Variants in CTNND2 observed in about 807,000 individuals in gnomAD.
CTNND2 encodes the protein catenin delta-2.
A neutral mutation model predicts 144.4 loss-of-function variants in CTNND2; 22 were observed. The ratio of observed to expected loss-of-function variants is 0.15; its 90% CI spans 0.11 to 0.22. CTNND2 has a LOEUF of 0.22. CTNND2 is among the 10% of genes least tolerant of loss of function. The pLI is 1.00. For synonymous variants in CTNND2, 751 were observed against 695.6 expected (o/e 1.08, Z -1.25); for missense variants, 1,353 against 1,618.8 (o/e 0.84, Z 2.82).
chr5:11,695,363 C>A (rs1274742947), intron 2 of CTNND2, among the ~76,000 whole-genome samples: 1 of 152,142 alleles, frequency 6.6e-6, no homozygotes, highest in African/African-American at 2.4e-5. Flanking sequence ...AGGGGAAAAT[C>A]TTTGTGTCTT....
At chr5:11,025,991 T>A (rs920636170) in intron 16 of CTNND2, among the ~76,000 whole-genome samples, 3 of 152,158 alleles carry the variant, frequency 2.0e-5, no homozygotes, top group Non-Finnish European at 2.9e-5. Flanking sequence ...TGGTTCAAAC[T>A]TTTTTTATAG....
At chr5:11,806,555 G>A (rs1792011183) in intron 1 of CTNND2, among the ~76,000 whole-genome samples, 1 of 151,774 alleles carries the variant, frequency 6.6e-6, no homozygotes, top group Admixed American at 6.6e-5. Context: ...TCATTTCCAG[G>A]GTTCATTTCC....
At chr5:11,805,543 T>C (rs559685307) in intron 1 of CTNND2, among the ~76,000 whole-genome samples, 17 of 152,034 alleles carry the variant, frequency 1.1e-4, no homozygotes, top group African/African-American at 3.6e-4. Flanking sequence ...GAACAATGAA[T>C]GAATGAATGA....
intron 9 of CTNND2, among the ~76,000 whole-genome samples, chr5:11,294,883 T>G (rs1748740415): frequency 6.6e-6 from 1 of 152,170 alleles, no homozygotes; most frequent in African/African-American, 2.4e-5. Context: ...TCATACTGAA[T>G]GGGCAAAAAC....
At chr5:11,074,151 C>A (rs1748658860) in intron 16 of CTNND2, among the ~76,000 whole-genome samples, 1 of 152,208 alleles carries the variant, frequency 6.6e-6, no homozygotes, top group South Asian at 2.1e-4. Flanking sequence ...AAGGTGCCTA[C>A]AGTGCCACGT....
chr5:11,578,053 C>G (rs13185622), intron 2 of CTNND2, among the ~76,000 whole-genome samples: 35,180 of 151,994 alleles, frequency 0.23, 4,181 homozygotes, highest in African/African-American at 0.3. Context: ...AAAAAATAGT[C>G]TCAGTTTCTT....
At chr5:11,364,443 A>C (rs1756769564) in intron 8 of CTNND2, among the ~76,000 whole-genome samples, 1 of 152,226 alleles carries the variant, frequency 6.6e-6, no homozygotes, top group South Asian at 2.1e-4. Context: ...TGCTTCTTTC[A>C]ATTTTTCTCT....
chr5:11,580,778 T>A (rs899462830), intron 2 of CTNND2, among the ~76,000 whole-genome samples: 9 of 152,250 alleles, frequency 5.9e-5, no homozygotes, highest in African/African-American at 2.2e-4. Flanking sequence ...TTCTATCTTC[T>A]GTTCTACTTC....
intron 3 of CTNND2, among the ~76,000 whole-genome samples, chr5:11,451,629 C>A (rs942304749): frequency 1.3e-5 from 2 of 152,092 alleles, no homozygotes; most frequent in African/African-American, 2.4e-5. Context: ...CCAAGCATTT[C>A]GGATAAATGA....
At chr5:11,446,384 C>T (rs961192825) in intron 3 of CTNND2, among the ~76,000 whole-genome samples, 1 of 152,184 alleles carries the variant, frequency 6.6e-6, no homozygotes, top group Non-Finnish European at 1.5e-5. Context: ...GGATCTCCTA[C>T]TCCAGTAGCG....
At chr5:11,774,668 T>C (rs368681371) in intron 1 of CTNND2, among the ~76,000 whole-genome samples, 9 of 152,076 alleles carry the variant, frequency 5.9e-5, no homozygotes, top group South Asian at 2.1e-4. Context: ...GTAGTATGTA[T>C]CTCAGTCTTG....
At position 11,384,827 on chromosome 5, in the gene CTNND2, A is replaced by G; in HGVS notation, c.1015T>C (p.Ser339Pro). ...IRVTSPPTVQ[S>P]TISSSPIHQL... Reference sequence around the variant, plus strand: ...TGGATGGGCGAGGAGGAGATGGTGGACTGCACGGTGGGGGGCGAGGTCACG... The same window carrying G: ...TGGATGGGCGAGGAGGAGATGGTGGGCTGCACGGTGGGGGGCGAGGTCACG... Residue 339 changes from serine (S) to proline (P), a missense_variant, in exon 7 of 22, where the codon TCC becomes CCC. Around this residue, in one of 4 missense-constraint regions of CTNND2, gnomAD observed 708 missense variants for 706.4 expected, o/e 1.00. Transcript: ENST00000304623. The surrounding 1 kb of genome is among the most constrained non-coding windows in gnomAD (Gnocchi z 5.2). 1 of 1,613,102 alleles carries G rather than the reference A, an allele frequency of 6.2e-7. No individual in the cohort carries two copies. Among genetic ancestry groups the G allele is most frequent in the Non-Finnish European group, 8.5e-7 (1 of 1,179,670 alleles).
chr5:11,066,072 A>C, intron 16 of CTNND2, among the ~76,000 whole-genome samples: 1 of 146,082 alleles, frequency 6.8e-6, no homozygotes, highest in Non-Finnish European at 1.5e-5. Context: ...ATGGGGTCTC[A>C]CTCTGTCACC....
chr5:11,639,592 C>G (rs893196803), intron 2 of CTNND2, among the ~76,000 whole-genome samples: 6 of 152,084 alleles, frequency 3.9e-5, no homozygotes, highest in African/African-American at 1.4e-4. Flanking sequence ...GAAAAAATTC[C>G]ATTGCTTAGT....
chr5:11,197,574 T>C (rs749141696), intron 11 of CTNND2, among the ~76,000 whole-genome samples: 4 of 152,220 alleles, frequency 2.6e-5, no homozygotes, highest in Non-Finnish European at 4.4e-5. Flanking sequence ...AACAAGAGGT[T>C]ATGCCTTTGG....
chr5:11,507,411 GAGA>G (rs138582112), intron 3 of CTNND2, among the ~76,000 whole-genome samples: 1,979 of 152,298 alleles, frequency 0.013, 43 homozygotes, highest in African/African-American at 0.045. Flanking sequence ...TGCCTTCTGA[GAGA>G]AGTAAATGCC....
intron 1 of CTNND2, among the ~76,000 whole-genome samples, chr5:11,873,217 G>C (rs1735295634): frequency 6.6e-6 from 1 of 152,092 alleles, no homozygotes; most frequent in African/African-American, 2.4e-5. Context: ...AAAAGCAAAA[G>C]GTAGTTCCAA....
At chr5:11,227,984 G>A (rs534216924) in intron 10 of CTNND2, among the ~76,000 whole-genome samples, 2 of 152,124 alleles carry the variant, frequency 1.3e-5, no homozygotes, top group African/African-American at 4.8e-5. Context: ...ACAAGGCTGG[G>A]ATGTAAGCTG....
chr5:10,999,689 C>T (rs1339662385), intron 18 of CTNND2, among the ~76,000 whole-genome samples: 2 of 152,206 alleles, frequency 1.3e-5, no homozygotes, highest in Admixed American at 1.3e-4. Flanking sequence ...TAACACATTA[C>T]ACTTAAAACT....
Sources: allele counts gnomAD v4.1 joint callset (sites outside exome capture counted in the v4.1 genomes callset), GRCh38; gene constraint gnomAD v4.1.1; regional missense constraint gnomAD v4.1.1; non-coding constraint Gnocchi (gnomAD v3.1); transcripts MANE v1.5; gene names NCBI Gene and HGNC (gene_info 2026-07-23, HGNC 2026-07-21).